The following VAV2 variants were observed in gnomAD, a reference collection of about 807,000 sequenced individuals.
VAV2 encodes the protein guanine nucleotide exchange factor VAV2.
A neutral mutation model predicts 132.5 loss-of-function variants in VAV2; 67 were observed. The ratio of observed to expected loss-of-function variants is 0.51; its 90% CI spans 0.42 to 0.62. VAV2 has a LOEUF of 0.62. Among genes scored for constraint, VAV2 ranks in the 20% least tolerant of loss-of-function variants. The probability of loss-of-function intolerance (pLI) is 0.00; values close to 1 mark genes in which losing one functional copy is unlikely to be tolerated. For missense variants in VAV2, 938 were observed against 1,153.6 expected, an observed-to-expected ratio of 0.81 and a Z score of 2.71; for synonymous variants, 492 against 443.5, an observed-to-expected ratio of 1.11 and a Z score of -1.37.
At chr9:133,851,198 C>T (rs1837153168) in intron 3 of VAV2, among the ~76,000 whole-genome samples, 2 of 152,180 alleles carry the variant, frequency 1.3e-5, no homozygotes, top group African/African-American at 4.8e-5. Context: ...AGCCATGTGT[C>T]GCATGGAAAG....
intron 2 of VAV2, among the ~76,000 whole-genome samples, chr9:133,899,453 G>A (rs1257154585): frequency 6.6e-6 from 1 of 151,744 alleles, no homozygotes; most frequent in Non-Finnish European, 1.5e-5. Flanking sequence ...CTGTCACCCA[G>A]GCTGGAGTCC....
intron 1 of VAV2, among the ~76,000 whole-genome samples, chr9:133,967,933 CAAAAAAA>C (rs34152925): frequency 0.042 from 3,032 of 71,600 alleles, 82 homozygotes; most frequent in Middle Eastern, 0.17. Context: ...ACTCTATAAC[CAAAAAAA>C]AAAAAAAAAA....
intron 2 of VAV2, among the ~76,000 whole-genome samples, chr9:133,868,556 AG>A (rs1837899850): frequency 6.6e-6 from 1 of 152,278 alleles, no homozygotes. Flanking sequence ...GTGCCCGATC[AG>A]AAGGTCCACG....
At chr9:133,862,719 C>T (rs1202791573) in intron 2 of VAV2, among the ~76,000 whole-genome samples, 1 of 152,224 alleles carries the variant, frequency 6.6e-6, no homozygotes, top group African/African-American at 2.4e-5. Context: ...GACACCACAC[C>T]AGGGAACCCC....
At position 133,928,743 on chromosome 9, in the gene VAV2, T is replaced by C. The variant is rs549591594; in HGVS notation, c.321+10360A>G. Among the ~76,000 whole-genome samples the C allele has an allele frequency of 1.3e-5, 2 of 152,280 alleles. No individual in the cohort carries two copies. The highest frequency in any genetic ancestry group is 4.1e-4 in the South Asian group (2 of 4,826). ...GGCCAGACAGAGCCTGCGGGACACA[T>C]TCATCAACGCAGATGTAAAATGGAG... On this transcript the variant is annotated intron_variant, in intron 2 of 29. Coordinates refer to ENST00000371850, the MANE Select transcript of VAV2 (RefSeq NM_001134398.2). This position sits in a 1 kb window ranked among gnomAD's most constrained non-coding sequence, Gnocchi z 5.4.
intron 2 of VAV2, among the ~76,000 whole-genome samples, chr9:133,898,790 G>T (rs1251031729): frequency 4.1e-5 from 6 of 147,640 alleles, no homozygotes; most frequent in Non-Finnish European, 5.9e-5. Context: ...AGGCCGTGTC[G>T]GATCCAGGGA....
chr9:133,816,390 T>G (rs1484223517), intron 4 of VAV2, among the ~76,000 whole-genome samples: 1 of 152,224 alleles, frequency 6.6e-6, no homozygotes, highest in African/African-American at 2.4e-5. Flanking sequence ...CCTTGTGCCT[T>G]GTCTAAGAAA....
chr9:133,835,627 T>C (rs986769958), intron 3 of VAV2, among the ~76,000 whole-genome samples: 6 of 152,144 alleles, frequency 3.9e-5, no homozygotes, highest in African/African-American at 1.4e-4. Flanking sequence ...CTGGAGGGGC[T>C]GCCCGGGCCC....
chr9:133,846,446 G>A (rs1422161215), intron 3 of VAV2, among the ~76,000 whole-genome samples: 2 of 152,224 alleles, frequency 1.3e-5, no homozygotes, highest in Non-Finnish European at 2.9e-5. Context: ...AGCCCCTTGA[G>A]GCCAGGCAGG....
At chr9:133,770,269 G>T (rs1833572635) in intron 27 of VAV2, 109 bp downstream of exon 27, 1 of 1,531,340 alleles carries the variant, frequency 6.5e-7, no homozygotes, top group Non-Finnish European at 8.8e-7. Flanking sequence ...TGTTCCCCAG[G>T]GTGGGACTCC....
chr9:133,844,582 A>C (rs996199760), intron 3 of VAV2, among the ~76,000 whole-genome samples: 1 of 152,208 alleles, frequency 6.6e-6, no homozygotes, highest in Non-Finnish European at 1.5e-5. Flanking sequence ...GCCTCTGTGC[A>C]TCTCACTTCT....
Position 133,769,968 on chromosome 9 carries a change from C to A in VAV2, c.2347+410G>T, listed in dbSNP as rs143936869. ...TCCGTGTGGCCTTCCCTGTTCTGAG[C>A]TGTGGAGTCCAACCTGCAAACAGGC... On this transcript the variant is annotated intron_variant, in intron 27 of 29. Transcript: ENST00000371850. The surrounding 1 kb of genome is among the most constrained non-coding windows in gnomAD (Gnocchi z 8.1). Among the ~76,000 whole-genome samples the A allele has an allele frequency of 0.011, 1,603 of 152,324 alleles. 18 individuals are homozygous for A. The highest frequency in any genetic ancestry group is 0.037 in the African/African-American group (1,546 of 41,566).
chr9:133,872,313 C>T (rs750635954), intron 2 of VAV2, among the ~76,000 whole-genome samples: 4 of 152,244 alleles, frequency 2.6e-5, no homozygotes, highest in African/African-American at 4.8e-5. Flanking sequence ...CCAGCACCCA[C>T]GTCCTCCATG....
At chr9:133,772,606 C>T (rs1011800325) in intron 25 of VAV2, among the ~76,000 whole-genome samples, 3 of 150,852 alleles carry the variant, frequency 2.0e-5, no homozygotes, top group African/African-American at 7.3e-5. Context: ...CCCCCATATC[C>T]CTCCCCTGAA....
chr9:133,966,443 T>C (rs1428316896), intron 1 of VAV2, among the ~76,000 whole-genome samples: 1 of 152,248 alleles, frequency 6.6e-6, no homozygotes, highest in Non-Finnish European at 1.5e-5. Flanking sequence ...AGGTGGCTCA[T>C]GCCTATAATC....
chr9:133,968,335 C>T (rs970845324), intron 1 of VAV2, among the ~76,000 whole-genome samples: 3 of 151,990 alleles, frequency 2.0e-5, no homozygotes, highest in Non-Finnish European at 4.4e-5. Flanking sequence ...ATATGTGTAT[C>T]AAAGTGTCAC....
At chr9:133,846,586 T>C (rs1008376556) in intron 3 of VAV2, among the ~76,000 whole-genome samples, 10 of 59,886 alleles carry the variant, frequency 1.7e-4, no homozygotes, top group African/African-American at 8.2e-4. Context: ...CCGCTCTCTA[T>C]CCAGGGCCGC....
At chr9:133,871,303 G>C (rs1564422953) in intron 2 of VAV2, among the ~76,000 whole-genome samples, 1 of 151,240 alleles carries the variant, frequency 6.6e-6, no homozygotes, top group Non-Finnish European at 1.5e-5. Context: ...TAAGTGGGTG[G>C]GTGGATGGAT....
At chr9:133,966,163 C>T (rs1272248001) in intron 1 of VAV2, among the ~76,000 whole-genome samples, 1 of 152,166 alleles carries the variant, frequency 6.6e-6, no homozygotes, top group East Asian at 1.9e-4. Context: ...CCATAAGACC[C>T]AAAACCATAA....
Sources: allele counts gnomAD v4.1 joint callset (sites outside exome capture counted in the v4.1 genomes callset), GRCh38; gene constraint gnomAD v4.1.1; non-coding constraint Gnocchi (gnomAD v3.1); transcripts MANE v1.5; gene names NCBI Gene and HGNC (gene_info 2026-07-23, HGNC 2026-07-21).